ITSN1: variants seen among roughly 807,000 people sequenced by gnomAD.
ITSN1 encodes the protein intersectin 1, also known as intersectin-1.
ITSN1 carries 58 observed loss-of-function variants against 239.8 expected under a neutral mutation model. That is an observed-to-expected ratio of 0.24 (90% CI 0.20 to 0.30). The LOEUF (loss-of-function observed/expected upper bound fraction) is 0.30, where lower values mean the gene tolerates loss of function less well. Ranked by LOEUF, ITSN1 falls within the 10% of genes least tolerant of loss-of-function variation. The probability of loss-of-function intolerance (pLI) is 1.00; values close to 1 mark genes in which losing one functional copy is unlikely to be tolerated. For synonymous variants in ITSN1, 780 were observed against 770.8 expected, an observed-to-expected ratio of 1.01 and a Z score of -0.20; for missense variants, 1,558 against 2,103.3, an observed-to-expected ratio of 0.74 and a Z score of 5.07.
At chr21:33,693,186 A>T (rs1440796505) in intron 1 of ITSN1, among the ~76,000 whole-genome samples, 1 of 152,216 alleles carries the variant, frequency 6.6e-6, no homozygotes, top group Non-Finnish European at 1.5e-5. Context: ...GTAATACATG[A>T]AATCTGACAA....
intron 5 of ITSN1, among the ~76,000 whole-genome samples, chr21:33,744,618 T>G (rs2067071450): frequency 6.6e-6 from 1 of 152,108 alleles, no homozygotes; most frequent in Non-Finnish European, 1.5e-5. Context: ...TGAATCCAGG[T>G]CTAGATATGA....
chr21:33,870,906 T>C (rs1297164186), intron 33 of ITSN1, among the ~76,000 whole-genome samples: 2 of 152,158 alleles, frequency 1.3e-5, no homozygotes, highest in East Asian at 3.8e-4. Context: ...GGCACAGAAT[T>C]GTGCACCTGC....
At chr21:33,759,272 A>C (rs1322538251) in intron 8 of ITSN1, among the ~76,000 whole-genome samples, 1 of 152,194 alleles carries the variant, frequency 6.6e-6, no homozygotes, top group Non-Finnish European at 1.5e-5. Flanking sequence ...ATAATTTACC[A>C]ATCCCTGTTG....
chr21:33,658,930 T>C (rs1445333675), intron 1 of ITSN1, among the ~76,000 whole-genome samples: 3 of 152,052 alleles, frequency 2.0e-5, no homozygotes, highest in Non-Finnish European at 2.9e-5. Context: ...TCCTTTTGGA[T>C]CTTATCTGAG....
rs573537110 is a variant in ITSN1, at chr21:33,720,101, G to C, written c.29-1077G>C. Among the ~76,000 whole-genome samples the C allele has an allele frequency of 2.7e-4, 41 of 152,120 alleles. No homozygotes were observed. In the South Asian group the frequency reaches 7.1e-3, roughly 26 times the overall value. On this transcript the variant is annotated intron_variant, in intron 2 of 39. Coordinates refer to ENST00000381318, the MANE Select transcript of ITSN1 (RefSeq NM_003024.3). ...TTCTGGTTTTTGTTTATAGTTACAG[G>C]GATGAATTCTGACAGGGCAGTGAAA...
At chr21:33,759,172 C>T (rs2068118453) in intron 8 of ITSN1, among the ~76,000 whole-genome samples, 1 of 152,184 alleles carries the variant, frequency 6.6e-6, no homozygotes, top group African/African-American at 2.4e-5. Context: ...TGACAACAAC[C>T]ATATATCATG....
At chr21:33,734,938 G>T in intron 4 of ITSN1, 106 bp from the exon 5 acceptor site, 1 of 877,010 alleles carries the variant, frequency 1.1e-6, no homozygotes, top group Admixed American at 2.6e-5. Context: ...GTTGTCTCTA[G>T]GGGTAAGAGT....
In ITSN1 at chr21:33,896,191, T is replaced by TA. The variant is rs1207955710; in HGVS notation, c.*7891_*7892insA. 1 of 152,366 alleles carries TA rather than the reference T, an allele frequency of 6.6e-6. No homozygotes were observed. The highest frequency in any genetic ancestry group is 1.5e-5 in the Non-Finnish European group (1 of 68,142). The allele number at this position is 152,366 out of a possible 1,614,324, so 9.4% of individuals were successfully genotyped here. A position where few individuals can be genotyped will look rare whatever the true frequency, so the allele number is the denominator to read the frequency against. ...TGGAACCGAGCCCCTAGTTCACAGC[T>TA]GTACCCCAAGGCTGGAGAGGGGGTT... On this transcript the variant is annotated 3_prime_UTR_variant, in exon 40 of 40. Coordinates refer to ENST00000381318, the MANE Select transcript of ITSN1 (RefSeq NM_003024.3).
In ITSN1 at chr21:33,726,908, A is replaced by G. The variant is rs563423389; in HGVS notation, c.185+4257A>G. 5.3e-5 allele frequency among the ~76,000 whole-genome samples: 8 copies of G among 152,330 alleles called. No homozygotes were observed. The South Asian group carries it at 1.0e-3, about 20-fold the overall frequency. Reference sequence around the variant, plus strand: ...TTACTTTGTTCTGGACTTTGTTTCAAATATTTGAGTGATACGAACTGATGG... The same window carrying G: ...TTACTTTGTTCTGGACTTTGTTTCAGATATTTGAGTGATACGAACTGATGG... On this transcript the variant is annotated intron_variant, in intron 4 of 39. Transcript: ENST00000381318.
At chr21:33,686,668 A>G (rs1165450665) in intron 1 of ITSN1, among the ~76,000 whole-genome samples, 1 of 152,130 alleles carries the variant, frequency 6.6e-6, no homozygotes, top group African/African-American at 2.4e-5. Flanking sequence ...TTTTTGTCTC[A>G]TTTCCCCTTT....
intron 7 of ITSN1, chr21:33,754,179 A>G (rs2067759670): frequency 6.6e-6 from 1 of 152,184 alleles, no homozygotes; most frequent in African/African-American, 2.4e-5. Flanking sequence ...GTTAGTTAAC[A>G]TGAGAGGGTT....
At chr21:33,830,902 G>C (rs191184433) in intron 27 of ITSN1, among the ~76,000 whole-genome samples, 12 of 151,696 alleles carry the variant, frequency 7.9e-5, no homozygotes, top group South Asian at 2.1e-4. Context: ...AAGAGGGTGG[G>C]GGGGGAGGGA....
intron 1 of ITSN1, among the ~76,000 whole-genome samples, chr21:33,691,970 C>G (rs569812978): frequency 6.6e-6 from 1 of 152,072 alleles, no homozygotes; most frequent in African/African-American, 2.4e-5. Flanking sequence ...AGATTGTTGC[C>G]GAAGGCAGGC....
At chr21:33,735,333 C>A in intron 5 of ITSN1, 129 bp downstream of exon 5, 1 of 925,156 alleles carries the variant, frequency 1.1e-6, no homozygotes, top group Non-Finnish European at 1.7e-6. Context: ...AAAATGATGG[C>A]CCCCTGCAGG....
intron 4 of ITSN1, among the ~76,000 whole-genome samples, chr21:33,727,571 C>T (rs973764510): frequency 6.7e-6 from 1 of 149,038 alleles, no homozygotes; most frequent in African/African-American, 2.5e-5. Context: ...TCAGAAGGGC[C>T]TTCAGCCCCA....
Position 33,811,158 on chromosome 21 carries a change from C to T in ITSN1, c.2503C>T (p.Pro835Ser). 1 of 1,613,524 alleles carries T rather than the reference C, an allele frequency of 6.2e-7. No homozygotes were observed. The highest frequency in any genetic ancestry group is 1.1e-5 in the South Asian group (1 of 91,034). ...PKLALRETPAPLAVTSSEPST... is the reference protein window; with the variant it reads ...PKLALRETPASLAVTSSEPST... The stretch of plus-strand genomic sequence containing the variant: ...ACTGGCCTTGCGTGAGACCCCCGCC[C>T]CTTTGGCAGTAACCTCTTCAGAGCC... Residue 835 changes from proline to serine, a missense_variant, in exon 21 of 40, where the codon CCT becomes TCT. Around this residue, in one of 2 missense-constraint regions of ITSN1, gnomAD observed 982 missense variants for 1,209.9 expected, o/e 0.81. Coordinates refer to ENST00000381318, the MANE Select transcript of ITSN1 (RefSeq NM_003024.3).
chr21:33,654,679 T>C (rs1183252433), intron 1 of ITSN1, among the ~76,000 whole-genome samples: 1 of 152,164 alleles, frequency 6.6e-6, no homozygotes, highest in Non-Finnish European at 1.5e-5. Context: ...CTAGGCTCAA[T>C]AGAGAAGGAT....
At chr21:33,855,597 C>G (rs1979177481) in intron 29 of ITSN1, among the ~76,000 whole-genome samples, 1 of 152,278 alleles carries the variant, frequency 6.6e-6, no homozygotes. Flanking sequence ...CCCTCCTGCT[C>G]ATTCCAGTGT....
intron 1 of ITSN1, among the ~76,000 whole-genome samples, chr21:33,693,381 A>C (rs2091642221): frequency 6.7e-6 from 1 of 149,158 alleles, no homozygotes; most frequent in Non-Finnish European, 1.5e-5. Context: ...TGGGGGATGG[A>C]GTTTTACTCT....
Sources: gnomAD v4.1 joint callset for allele counts (sites outside exome capture counted in the v4.1 genomes callset) on GRCh38, gnomAD v4.1.1 for gene constraint, gnomAD v4.1.1 regional missense constraint, MANE v1.5 for transcripts, NCBI Gene and HGNC (gene_info 2026-07-23, HGNC 2026-07-21) for gene names.